Variants in DNAJC13 observed in about 807,000 individuals in gnomAD.
The protein encoded by DNAJC13 is DnaJ heat shock protein family (Hsp40) member C13, also known as dnaJ homolog subfamily C member 13.
Under a neutral mutation model 290.5 loss-of-function variants are expected in DNAJC13, and 75 were observed. The observed-to-expected ratio is 0.26, with a 90% confidence interval of 0.21 to 0.31. DNAJC13 has a LOEUF of 0.31. Among genes scored for constraint, DNAJC13 ranks in the 10% least tolerant of loss-of-function variants. The probability of loss-of-function intolerance (pLI) is 1.00; values close to 1 mark genes in which losing one functional copy is unlikely to be tolerated. For missense variants in DNAJC13, 2,260 were observed against 2,674.5 expected, an observed-to-expected ratio of 0.85 and a Z score of 3.42; for synonymous variants, 862 against 892.0, an observed-to-expected ratio of 0.97 and a Z score of 0.60.
chr3:132,521,278 G>A (rs1317607676), intron 48 of DNAJC13, among the ~76,000 whole-genome samples: 1 of 151,970 alleles, frequency 6.6e-6, no homozygotes, highest in Non-Finnish European at 1.5e-5. Flanking sequence ...AGCCAAGCAT[G>A]GTAGTGCACC....
At chr3:132,428,179 C>T (rs1241398734) in intron 1 of DNAJC13, among the ~76,000 whole-genome samples, 1 of 152,182 alleles carries the variant, frequency 6.6e-6, no homozygotes, top group Non-Finnish European at 1.5e-5. Context: ...TATTCTACCT[C>T]TCACTTTGAA....
At chr3:132,488,228 GAAAT>G in intron 29 of DNAJC13, 66 bp from the exon 30 acceptor site, 1 of 1,413,982 alleles carries the variant, frequency 7.1e-7, no homozygotes. Flanking sequence ...CTCAGCATAT[GAAAT>G]AAAAAACCTA....
chr3:132,458,165 C>T (rs1216830645), intron 13 of DNAJC13: 2 of 152,226 alleles, frequency 1.3e-5, no homozygotes, highest in East Asian at 3.9e-4. Flanking sequence ...GCTGTTTGCG[C>T]AGTAAAGATC....
At position 132,462,457 on chromosome 3, in the gene DNAJC13, CA is replaced by C; in HGVS notation, c.1714-9del. 1 of 1,606,552 alleles carries C rather than the reference CA, an allele frequency of 6.2e-7. No individual in the cohort carries two copies. The highest frequency in any genetic ancestry group is 8.5e-7 in the Non-Finnish European group (1 of 1,177,500). ...TTATTTTTTGATACTTTTTCCCCCT[CA>C]CTTTAAAGCATCCTTCCATGGCAAT... On this transcript the variant is annotated splice_polypyrimidine_tract_variant and intron_variant, in intron 15 of 55. Coordinates refer to ENST00000260818, the MANE Select transcript of DNAJC13 (RefSeq NM_015268.4).
intron 15 of DNAJC13, among the ~76,000 whole-genome samples, chr3:132,462,219 T>C (rs1933821872): frequency 6.6e-6 from 1 of 152,198 alleles, no homozygotes; most frequent in Non-Finnish European, 1.5e-5. Flanking sequence ...CAAATAATTA[T>C]AATTATTCAA....
rs181188175 is a variant in DNAJC13 at position 132,453,829 on chromosome 3, T to C, written c.840+135T>C. On this transcript the variant is annotated intron_variant, in intron 8 of 55. Transcript: ENST00000260818. ...GAATCTGTATTTAACTCTTAACATA[T>C]TTATATTAATTGATCATAGAACAAT... 4.6e-5 allele frequency: 36 copies of C among 775,994 alleles called. 2 individuals are homozygous for C. Among genetic ancestry groups the C allele is most frequent in the East Asian group, 3.4e-4 (13 of 37,860 alleles). The allele number at this position is 775,994 out of a possible 1,614,324, so 48.1% of individuals were successfully genotyped here.
At chr3:132,443,763 T>C (rs1467724626) in intron 2 of DNAJC13, among the ~76,000 whole-genome samples, 1 of 151,952 alleles carries the variant, frequency 6.6e-6, no homozygotes, top group Admixed American at 6.6e-5. Flanking sequence ...CTCTTAGGAA[T>C]TTTCTTTTTT....
chr3:132,528,254 G>A lies in DNAJC13; in HGVS notation c.6447G>A (p.Leu2149=). 1 of 1,614,124 alleles carries A rather than the reference G, an allele frequency of 6.2e-7. No individual in the cohort carries two copies. The highest frequency in any genetic ancestry group is 1.7e-5 in the Admixed American group (1 of 60,020). Residue 2149 remains leucine, a synonymous_variant, in exon 54 of 56, where the codon CTG becomes CTA. Coordinates refer to ENST00000260818, the MANE Select transcript of DNAJC13 (RefSeq NM_015268.4). ...KLLEGIGLEN[L]DSPAATKAQI... is the part of the protein sequence containing the mutation. ...TCGAAGGCATTGGCCTTGAAAACCT[G>A]GACAGCCCAGCAGCCACTAAGGCTC... is the stretch of plus-strand genomic sequence containing the variant.
At chr3:132,421,705 G>T (rs947894642) in intron 1 of DNAJC13, among the ~76,000 whole-genome samples, 1 of 151,822 alleles carries the variant, frequency 6.6e-6, no homozygotes, top group African/African-American at 2.4e-5. Context: ...CTCCCAAAGT[G>T]CTGGGATTAC....
chr3:132,531,154 C>A, intron 55 of DNAJC13, 57 bp downstream of exon 55: 2 of 1,459,042 alleles, frequency 1.4e-6, no homozygotes, highest in Non-Finnish European at 1.9e-6. Context: ...CTTGGACCTT[C>A]CTTTTGCCCT....
chr3:132,493,040 G>T (rs1393497645), intron 33 of DNAJC13, among the ~76,000 whole-genome samples: 1 of 152,042 alleles, frequency 6.6e-6, no homozygotes, highest in Non-Finnish European at 1.5e-5. Context: ...TACATTGCTT[G>T]ATTTGTCTAA....
At chr3:132,472,404 T>C in intron 20 of DNAJC13, among the ~76,000 whole-genome samples, 1 of 152,240 alleles carries the variant, frequency 6.6e-6, no homozygotes, top group East Asian at 1.9e-4. Context: ...TGCCTAAAAT[T>C]TGAGTCACAG....
chr3:132,473,851 T>A (rs886559309), intron 21 of DNAJC13, among the ~76,000 whole-genome samples: 10 of 152,194 alleles, frequency 6.6e-5, no homozygotes, highest in African/African-American at 2.4e-4. Flanking sequence ...ACTTTTAAAG[T>A]ATACAGTATG....
intron 48 of DNAJC13, among the ~76,000 whole-genome samples, chr3:132,520,384 T>C (rs6785470): frequency 0.98 from 148,914 of 152,332 alleles, 72,823 homozygotes; most frequent in East Asian, 1. Context: ...TTTATGGTCA[T>C]GGTATTTGCC....
Position 132,460,331 on chromosome 3 carries a change from T to G in DNAJC13, c.1531T>G (p.Leu511Val). Reference sequence around the variant, plus strand: ...CTCGTCAAAGAAGTTTCTGGAAAACTTACTGGAGAAATTTAATTCCCATGT... The same window carrying G: ...CTCGTCAAAGAAGTTTCTGGAAAACGTACTGGAGAAATTTAATTCCCATGT... Reference protein sequence around the residue: ...LLSSKKFLENLLEKFNSHVDH... With the variant: ...LLSSKKFLENVLEKFNSHVDH... The change falls in exon 14 of 56, where the codon TTA becomes GTA. Residue 511 changes from leucine to valine, a missense_variant. By Grantham distance (32) the Leu-to-Val change is conservative. Around this residue, in one of 3 missense-constraint regions of DNAJC13, gnomAD observed 762 missense variants for 964.1 expected, o/e 0.79. Transcript: ENST00000260818. 6.2e-7 allele frequency: 1 copy of G among 1,611,370 alleles called. No homozygotes were observed. Among genetic ancestry groups the G allele is most frequent in the Non-Finnish European group, 8.5e-7 (1 of 1,177,814 alleles).
At chr3:132,426,134 T>C (rs980833293) in intron 1 of DNAJC13, among the ~76,000 whole-genome samples, 5 of 152,300 alleles carry the variant, frequency 3.3e-5, no homozygotes, top group Admixed American at 1.3e-4. Flanking sequence ...GTAGTATTCA[T>C]TGAGAGAGGT....
At chr3:132,497,426 A>C (rs1935268645) in intron 36 of DNAJC13, among the ~76,000 whole-genome samples, 1 of 152,182 alleles carries the variant, frequency 6.6e-6, no homozygotes. Flanking sequence ...GGAGAGAAGG[A>C]AGAGGACTTT....
chr3:132,456,862 T>G (rs141673745), intron 12 of DNAJC13, 30 bp downstream of exon 12: 4 of 1,606,040 alleles, frequency 2.5e-6, no homozygotes, highest in Non-Finnish European at 3.4e-6. Context: ...TTAACTTCTC[T>G]TAGAGAATTT....
intron 29 of DNAJC13, among the ~76,000 whole-genome samples, chr3:132,485,839 A>G (rs1202639194): frequency 2.0e-5 from 3 of 152,232 alleles, no homozygotes; most frequent in Non-Finnish European, 4.4e-5. Flanking sequence ...GAATTAAGCT[A>G]TTTAAACTTC....
Sources: gnomAD v4.1 joint callset for allele counts (sites outside exome capture counted in the v4.1 genomes callset) on GRCh38, gnomAD v4.1.1 for gene constraint, gnomAD v4.1.1 regional missense constraint, MANE v1.5 for transcripts, NCBI Gene and HGNC (gene_info 2026-07-23, HGNC 2026-07-21) for gene names.